PLCG2: variants seen among roughly 807,000 people sequenced by gnomAD.
PLCG2 encodes the protein 1-phosphatidylinositol 4,5-bisphosphate phosphodiesterase gamma-2.
A neutral mutation model predicts 175.6 loss-of-function variants in PLCG2; 69 were observed. That is an observed-to-expected ratio of 0.39 (90% confidence interval 0.32 to 0.48). The LOEUF (loss-of-function observed/expected upper bound fraction) is 0.48, where lower values mean the gene tolerates loss of function less well. PLCG2 is among the 20% of genes least tolerant of loss of function. The pLI is 0.91. For missense variants in PLCG2, 1,798 were observed against 1,650.9 expected (o/e 1.09, Z -1.54); for synonymous variants, 827 against 624.0 (o/e 1.33, Z -4.85).
At chr16:81,824,442 T>A (rs28406173) in intron 2 of PLCG2, among the ~76,000 whole-genome samples, 1 of 152,088 alleles carries the variant, frequency 6.6e-6, no homozygotes, top group Non-Finnish European at 1.5e-5. Context: ...CCCCAGCCAC[T>A]TATTTTCTTG....
At chr16:81,778,245 C>G (rs1447662588), upstream of PLCG2, among the ~76,000 whole-genome samples, 2 of 151,978 alleles carry the variant, frequency 1.3e-5, no homozygotes, top group Non-Finnish European at 2.9e-5. Flanking sequence ...TGGTGTGCCT[C>G]TATAGTCCCA....
intron 19 of PLCG2, among the ~76,000 whole-genome samples, chr16:81,917,131 T>G (rs1436106212): frequency 1.3e-5 from 2 of 152,140 alleles, no homozygotes; most frequent in Non-Finnish European, 1.5e-5. Flanking sequence ...GTTTCACGTA[T>G]GAGATCCTGT....
At position 81,744,477 on chromosome 16, in the gene PLCG2, T is replaced by A. The variant is rs148029372; in HGVS notation, c.-145+5092T>A. Reference sequence around the variant, plus strand: ...CGCACCCAGTCCCCCAACTTCCCTTTTTGATTAAAACAGATTGAGGTGACT... The same window carrying A: ...CGCACCCAGTCCCCCAACTTCCCTTATTGATTAAAACAGATTGAGGTGACT... On this transcript the variant is annotated intron_variant, in intron 1 of 5. Coordinates refer to the PLCG2 transcript ENST00000565054. Among the ~76,000 whole-genome samples the A allele has an allele frequency of 1.7e-3, 259 of 152,298 alleles. 3 individuals are homozygous for A. The highest frequency in any genetic ancestry group is 5.9e-3 in the African/African-American group (246 of 41,568).
At chr16:81,880,741 A>T (rs2143567177) in intron 7 of PLCG2, among the ~76,000 whole-genome samples, 169 bp from the exon 8 acceptor site, 1 of 152,334 alleles carries the variant, frequency 6.6e-6, no homozygotes, top group East Asian at 1.9e-4. Flanking sequence ...TTTGCTTCTT[A>T]AGTTTCTGTT....
intron 16 of PLCG2, 122 bp from the exon 17 acceptor site, chr16:81,908,294 G>C (rs755950587): frequency 3.5e-6 from 3 of 864,592 alleles, no homozygotes; most frequent in Non-Finnish European, 5.4e-6. Context: ...GTGGGGACCA[G>C]CTGAGGCTGG....
At position 81,935,587 on chromosome 16, in the gene PLCG2, G is replaced by C. The variant is rs143291650; in HGVS notation, c.2843-582G>C. 1.4e-4 allele frequency: 141 copies of C among 985,276 alleles called. No homozygotes were observed. The African/African-American group carries it at 2.1e-3, about 14-fold the overall frequency. The allele number at this position is 985,276 out of a possible 1,614,324, so 61.0% of individuals were successfully genotyped here. ...AGACCCCTCAGTTAACTTACCGGGA[G>C]GCCAGTCCCTAGGAACTTCTACCTT... is the stretch of plus-strand genomic sequence containing the variant. On this transcript the variant is annotated intron_variant, in intron 26 of 32. Transcript: ENST00000564138.
At chr16:81,879,620 G>A (rs1907982049) in intron 7 of PLCG2, among the ~76,000 whole-genome samples, 1 of 152,186 alleles carries the variant, frequency 6.6e-6, no homozygotes, top group African/African-American at 2.4e-5. Context: ...ATCTGGGGTA[G>A]GAGATGTTTT....
At chr16:81,768,927 T>C (rs1026545304) in intron 2 of PLCG2, among the ~76,000 whole-genome samples, 1 of 152,148 alleles carries the variant, frequency 6.6e-6, no homozygotes, top group Non-Finnish European at 1.5e-5. Context: ...GTTCAACCAG[T>C]TGGTCTTCCC....
intron 2 of PLCG2, among the ~76,000 whole-genome samples, chr16:81,849,789 A>C (rs1049108305): frequency 6.6e-5 from 10 of 151,554 alleles, no homozygotes; most frequent in African/African-American, 2.4e-4. Context: ...AAAAAAAAAA[A>C]AAAAAAAACC....
Position 81,912,592 on chromosome 16 carries a change from C to G in PLCG2, c.1935-5C>G, listed in dbSNP as rs375362338. ...CTGGTCGTTTTCCCTGGCCCTGTGC[C>G]GCAGGTGGTACTATGACAGCCTGAG... On this transcript the variant is annotated splice_polypyrimidine_tract_variant and splice_region_variant and intron_variant, in intron 18 of 32. Transcript: ENST00000564138. 1.2e-6 allele frequency: 2 copies of G among 1,612,642 alleles called. No individual in the cohort carries two copies. The highest frequency in any genetic ancestry group is 1.3e-5 in the African/African-American group (1 of 74,922).
chr16:81,837,739 T>C (rs1905600398), intron 2 of PLCG2, among the ~76,000 whole-genome samples: 1 of 152,150 alleles, frequency 6.6e-6, no homozygotes, highest in Non-Finnish European at 1.5e-5. Flanking sequence ...ATTGGAATTT[T>C]TGTTGAGATA....
At chr16:81,841,917 C>G (rs1193077568) in intron 2 of PLCG2, among the ~76,000 whole-genome samples, 1 of 152,208 alleles carries the variant, frequency 6.6e-6, no homozygotes, top group Non-Finnish European at 1.5e-5. Flanking sequence ...TAAAGTGAAA[C>G]CACCAGCAGC....
chr16:81,852,418 T>C (rs1227180196), intron 2 of PLCG2, among the ~76,000 whole-genome samples: 2 of 152,006 alleles, frequency 1.3e-5, no homozygotes, highest in African/African-American at 4.8e-5. Flanking sequence ...ATGGAATGGG[T>C]GCATCCCATG....
chr16:81,936,000 G>C (rs2143725611), intron 26 of PLCG2, 169 bp from the exon 27 acceptor site: 1 of 985,280 alleles, frequency 1.0e-6, no homozygotes. Flanking sequence ...CAGAGGGCAA[G>C]AGTCCACAGT....
Position 81,931,865 on chromosome 16 carries a change from G to A in PLCG2, c.2739+211G>A, listed in dbSNP as rs1567538451. 1.3e-5 allele frequency among the ~76,000 whole-genome samples: 2 copies of A among 152,174 alleles called. 1 individual carries two copies. The highest frequency in any genetic ancestry group is 4.1e-4 in the South Asian group (2 of 4,826). On this transcript the variant is annotated intron_variant, in intron 25 of 32. Transcript: ENST00000564138. Reference sequence around the variant, plus strand: ...GAGGTGCCCTGGGAAGGTGGGTCTGGTTGTCTGGTTCGAACCTTCAGAAGG... The same window carrying A: ...GAGGTGCCCTGGGAAGGTGGGTCTGATTGTCTGGTTCGAACCTTCAGAAGG...
At chr16:81,785,451 C>G (rs867458673) in intron 1 of PLCG2, among the ~76,000 whole-genome samples, 2 of 151,822 alleles carry the variant, frequency 1.3e-5, no homozygotes, top group Non-Finnish European at 2.9e-5. Context: ...TTGCCAAAGT[C>G]TCCATGGATG....
At chr16:81,942,176 C>G (rs988378948) in intron 30 of PLCG2, among the ~76,000 whole-genome samples, 1 of 152,148 alleles carries the variant, frequency 6.6e-6, no homozygotes, top group Non-Finnish European at 1.5e-5. Flanking sequence ...GTTACCCCGA[C>G]GTCCTCTTGA....
chr16:81,804,209 A>T (rs1253666350), intron 2 of PLCG2, among the ~76,000 whole-genome samples: 2 of 152,226 alleles, frequency 1.3e-5, no homozygotes, highest in Non-Finnish European at 2.9e-5. Context: ...CCTCGCCAAC[A>T]CATGTTAGTA....
upstream of PLCG2, chr16:81,739,046 T>C (rs933888722): frequency 3.3e-5 from 5 of 151,428 alleles, no homozygotes; most frequent in African/African-American, 1.2e-4. Context: ...GTGATAAGCG[T>C]GAACTAGAGA....
Sources: gnomAD v4.1 joint callset for allele counts (sites outside exome capture counted in the v4.1 genomes callset) on GRCh38, gnomAD v4.1.1 for gene constraint, MANE v1.5 for transcripts, NCBI Gene and HGNC (gene_info 2026-07-23, HGNC 2026-07-21) for gene names.